Variants in EVL observed in about 807,000 individuals in gnomAD.
The protein encoded by EVL is Enah/Vasp-like.
EVL carries 21 observed loss-of-function variants against 59.6 expected under a neutral mutation model. The observed-to-expected ratio is 0.35, with a 90% CI of 0.25 to 0.51. EVL has a LOEUF of 0.51. Among genes scored for constraint, EVL ranks in the 20% least tolerant of loss-of-function variants. The pLI is 0.97. For missense variants in EVL, 462 were observed against 546.6 expected (o/e 0.85, Z 1.54); for synonymous variants, 198 against 203.5 (o/e 0.97, Z 0.23).
At chr14:100,122,335 A>G (rs1484505714) in intron 3 of EVL, among the ~76,000 whole-genome samples, 1 of 152,222 alleles carries the variant, frequency 6.6e-6, no homozygotes, top group African/African-American at 2.4e-5. Context: ...TGGGCAAGCC[A>G]TTTAGCCTTT....
chr14:100,038,121 A>C (rs1162430804), intron 1 of EVL, among the ~76,000 whole-genome samples: 1 of 152,200 alleles, frequency 6.6e-6, no homozygotes, highest in Non-Finnish European at 1.5e-5. Context: ...CCTGGGTAGG[A>C]TACTGTAGAC....
intron 1 of EVL, among the ~76,000 whole-genome samples, chr14:99,978,906 A>C (rs1338613534): frequency 6.6e-6 from 1 of 152,150 alleles, no homozygotes; most frequent in African/African-American, 2.4e-5. Flanking sequence ...TGAGCTAAAC[A>C]CTCGAGGCAC....
intron 1 of EVL, among the ~76,000 whole-genome samples, chr14:99,993,455 AT>A (rs2060889012): frequency 6.6e-6 from 1 of 151,870 alleles, no homozygotes; most frequent in Non-Finnish European, 1.5e-5. Context: ...TAGTTTTCTT[AT>A]TTTGTCTTTG....
chr14:100,014,668 A>G (rs1049784862), intron 1 of EVL, among the ~76,000 whole-genome samples: 1 of 152,256 alleles, frequency 6.6e-6, no homozygotes, highest in African/African-American at 2.4e-5. Flanking sequence ...TTGCTGGATC[A>G]TATGAACACT....
upstream of EVL, among the ~76,000 whole-genome samples, chr14:100,061,857 G>A (rs1043589359): frequency 6.6e-6 from 1 of 151,926 alleles, no homozygotes; most frequent in East Asian, 1.9e-4. Context: ...ATTGGAAATG[G>A]ATTATCTTAA....
intron 3 of EVL, among the ~76,000 whole-genome samples, chr14:100,103,175 A>T (rs1414241923): frequency 2.1e-5 from 3 of 142,708 alleles, no homozygotes; most frequent in African/African-American, 8.2e-5. Flanking sequence ...GTCATTTTAT[A>T]TTTTCCCAGA....
At chr14:100,035,349 T>TC (rs1336477862) in intron 1 of EVL, among the ~76,000 whole-genome samples, 1 of 150,386 alleles carries the variant, frequency 6.6e-6, no homozygotes, top group Non-Finnish European at 1.5e-5. Context: ...TTTTTTTTTC[T>TC]TTTTATATGC....
At chr14:100,099,288 A>G (rs1693567673) in intron 3 of EVL, among the ~76,000 whole-genome samples, 2 of 152,130 alleles carry the variant, frequency 1.3e-5, no homozygotes, top group Admixed American at 6.6e-5. Context: ...CATGCCTGCA[A>G]TTCATGAGGC....
chr14:100,023,070 G>A (rs532923893), intron 1 of EVL, among the ~76,000 whole-genome samples: 20 of 152,202 alleles, frequency 1.3e-4, no homozygotes, highest in African/African-American at 4.6e-4. Flanking sequence ...TTGAGAGGTT[G>A]GGCCAGTGTT....
At chr14:99,994,540 AACTCT>A (rs2060899774) in intron 1 of EVL, among the ~76,000 whole-genome samples, 1 of 152,128 alleles carries the variant, frequency 6.6e-6, no homozygotes, top group African/African-American at 2.4e-5. Context: ...TTGCGTTAAA[AACTCT>A]ACTCCTTTAC....
chr14:100,142,432 G>A (rs1889237328), intron 13 of EVL, among the ~76,000 whole-genome samples: 1 of 152,242 alleles, frequency 6.6e-6, no homozygotes, highest in Admixed American at 6.5e-5. Flanking sequence ...GGAAAAGGGG[G>A]AGTGGGCAGG....
chr14:100,087,403 C>T (rs2062468841), intron 2 of EVL, among the ~76,000 whole-genome samples: 1 of 152,112 alleles, frequency 6.6e-6, no homozygotes, highest in African/African-American at 2.4e-5. Flanking sequence ...CACTTGAGCC[C>T]AGGAGTTCCA....
At chr14:100,137,871 T>C in intron 11 of EVL, 69 bp downstream of exon 11, 7 of 1,463,652 alleles carry the variant, frequency 4.8e-6, no homozygotes, top group Non-Finnish European at 5.7e-6. Flanking sequence ...GTCCCGTGAC[T>C]AACACCCTTG....
At position 100,130,747 on chromosome 14, in the gene EVL, C is replaced by T. The variant is rs552548958; in HGVS notation, c.839+1063C>T. On this transcript the variant is annotated intron_variant, in intron 7 of 13. Transcript: ENST00000392920. This position sits in a 1 kb window ranked among gnomAD's most constrained non-coding sequence, Gnocchi z 4.8. ...AGCCTGGGTTTCCTGCCAAGGGGCT[C>T]TTTGCTTGCATCACAGATGGCAGGG... Among the ~76,000 whole-genome samples, 153 of 152,318 alleles carry T rather than the reference C, an allele frequency of 1.0e-3. No individual in the cohort carries two copies. Among genetic ancestry groups the T allele is most frequent in the African/African-American group, 3.5e-3 (145 of 41,574 alleles).
chr14:100,125,883 C>T (rs1327103147), intron 4 of EVL, among the ~76,000 whole-genome samples: 2 of 152,170 alleles, frequency 1.3e-5, no homozygotes, highest in African/African-American at 4.8e-5. Context: ...AAGGCATACA[C>T]CCTACAAGAA....
At chr14:100,135,747 C>T (rs538260932) in intron 8 of EVL, 158 bp from the exon 9 acceptor site, 6 of 674,196 alleles carry the variant, frequency 8.9e-6, no homozygotes, top group East Asian at 5.4e-5. Flanking sequence ...TGAGATTTTG[C>T]GTTTTCACTT....
intron 1 of EVL, among the ~76,000 whole-genome samples, chr14:100,004,259 C>T (rs1043004705): frequency 7.9e-5 from 12 of 152,024 alleles, no homozygotes; most frequent in African/African-American, 2.9e-4. Context: ...CCACAACAAA[C>T]AGAACTCAAG....
At chr14:100,113,120 T>G (rs1427839660) in intron 3 of EVL, among the ~76,000 whole-genome samples, 1 of 152,094 alleles carries the variant, frequency 6.6e-6, no homozygotes, top group Non-Finnish European at 1.5e-5. Context: ...TTAAAGGGGA[T>G]GGACAGACGT....
intron 1 of EVL, among the ~76,000 whole-genome samples, chr14:100,033,847 A>G (rs1000938205): frequency 2.0e-5 from 3 of 152,186 alleles, no homozygotes; most frequent in African/African-American, 7.2e-5. Context: ...AGACTCTGGA[A>G]CCTGTGTTTT....
Sources: gnomAD v4.1 joint callset for allele counts (sites outside exome capture counted in the v4.1 genomes callset) on GRCh38, gnomAD v4.1.1 for gene constraint, Gnocchi (gnomAD v3.1) non-coding constraint, MANE v1.5 for transcripts, NCBI Gene and HGNC (gene_info 2026-07-23, HGNC 2026-07-21) for gene names.